Variants in MYH10 observed in about 807,000 individuals in gnomAD.
The protein encoded by MYH10 is myosin heavy chain 10.
Under a neutral mutation model 257.8 loss-of-function variants are expected in MYH10, and 55 were observed. That is an observed-to-expected ratio of 0.21 (90% CI 0.17 to 0.27). MYH10 has a LOEUF of 0.27. Ranked by LOEUF, MYH10 falls within the 10% of genes least tolerant of loss-of-function variation. MYH10 has a pLI of 1.00. For missense variants in MYH10, 1,631 were observed against 2,500.6 expected (o/e 0.65, Z 7.42); for synonymous variants, 854 against 921.7 (o/e 0.93, Z 1.33).
intron 3 of MYH10, among the ~76,000 whole-genome samples, chr17:8,597,154 T>A (rs1374365672): frequency 1.3e-5 from 2 of 152,110 alleles, no homozygotes; most frequent in East Asian, 3.9e-4. Flanking sequence ...ACAAATTATA[T>A]AAGAAAGGAA....
chr17:8,576,081 A>G (rs1400454278), intron 6 of MYH10, among the ~76,000 whole-genome samples: 1 of 152,234 alleles, frequency 6.6e-6, no homozygotes, highest in African/African-American at 2.4e-5. Context: ...ACCTGGGCTC[A>G]GGCCTTCTGT....
intron 37 of MYH10, 56 bp downstream of exon 37, chr17:8,484,082 G>C (rs1047306709): frequency 4.1e-6 from 6 of 1,451,900 alleles, no homozygotes; most frequent in East Asian, 2.5e-5. Context: ...TTTGATCTTG[G>C]AGAAATTTCA....
intron 11 of MYH10, among the ~76,000 whole-genome samples, chr17:8,547,403 T>C (rs549938156): frequency 2.0e-5 from 3 of 152,142 alleles, no homozygotes; most frequent in Admixed American, 2.0e-4. Context: ...GAATGACAGA[T>C]GAATGGTCCT....
At chr17:8,515,100 C>T (rs988632320) in intron 21 of MYH10, among the ~76,000 whole-genome samples, 2 of 152,108 alleles carry the variant, frequency 1.3e-5, no homozygotes, top group East Asian at 1.9e-4. Context: ...AAGTGACCGA[C>T]AGACTCCAGG....
At chr17:8,607,186 C>T (rs1358006161) in intron 2 of MYH10, among the ~76,000 whole-genome samples, 3 of 152,116 alleles carry the variant, frequency 2.0e-5, no homozygotes, top group Non-Finnish European at 4.4e-5. Context: ...AAAATGAGAT[C>T]ACAGTCTATA....
At chr17:8,612,714 G>C (rs1036460567) in intron 2 of MYH10, among the ~76,000 whole-genome samples, 5 of 152,056 alleles carry the variant, frequency 3.3e-5, no homozygotes, top group African/African-American at 1.2e-4. Flanking sequence ...AGCCAGGCGT[G>C]GTGGCGCACG....
intron 6 of MYH10, among the ~76,000 whole-genome samples, chr17:8,573,537 C>A (rs996782427): frequency 2.6e-5 from 4 of 152,090 alleles, no homozygotes; most frequent in African/African-American, 4.8e-5. Flanking sequence ...AGAACTTAAT[C>A]GATTATTTTC....
chr17:8,596,984 A>G (rs446085), intron 3 of MYH10, among the ~76,000 whole-genome samples: 147,652 of 152,194 alleles, frequency 0.97, 71,796 homozygotes, highest in Middle Eastern at 1. Context: ...CTGGAGGAGG[A>G]TAACAGGCTT....
intron 2 of MYH10, among the ~76,000 whole-genome samples, chr17:8,621,107 A>G (rs897711910): frequency 6.6e-6 from 1 of 152,202 alleles, no homozygotes; most frequent in African/African-American, 2.4e-5. Context: ...AGTGTGGGAA[A>G]TTAAGGTGAA....
rs2083283276 is a variant in MYH10 at position 8,569,925 on chromosome 17, T to G, written c.664-113A>C. On this transcript the variant is annotated intron_variant, in intron 6 of 42. Transcript: ENST00000360416. The surrounding 1 kb of genome is among the most constrained non-coding windows in gnomAD (Gnocchi z 4.1). ...AAAGAAACTGCATCTTTTCCTCAGT[T>G]CTTTCATTCTGTCTGCCATCCAGCA... The G allele has an allele frequency of 1.4e-6, 1 of 740,104 alleles. No homozygotes were observed. Among genetic ancestry groups the G allele is most frequent in the African/African-American group, 1.8e-5 (1 of 55,550 alleles). 45.8% of individuals were successfully genotyped at this position (740,104 alleles called of 1,614,324 possible).
chr17:8,493,154 G>T, intron 32 of MYH10, 130 bp from the exon 33 acceptor site: 1 of 1,008,676 alleles, frequency 9.9e-7, no homozygotes, highest in Non-Finnish European at 1.4e-6. Flanking sequence ...GAGGTCAGGA[G>T]TTTGAGACCA....
At chr17:8,514,711 C>T (rs558288520) in intron 21 of MYH10, among the ~76,000 whole-genome samples, 1 of 152,158 alleles carries the variant, frequency 6.6e-6, no homozygotes, top group African/African-American at 2.4e-5. Context: ...CATTTTTCTA[C>T]TCCTTATGAA....
At position 8,569,657 on chromosome 17, in the gene MYH10, A is replaced by C. The variant is rs2083276173; in HGVS notation, c.756+63T>G. 5 of 1,165,306 alleles carry C rather than the reference A, an allele frequency of 4.3e-6. No individual in the cohort carries two copies. The highest frequency in any genetic ancestry group is 6.1e-6 in the Non-Finnish European group (5 of 818,608). The allele number at this position is 1,165,306 out of a possible 1,614,324, so 72.2% of individuals were successfully genotyped here. A position where few individuals can be genotyped will look rare whatever the true frequency, so the allele number is the denominator to read the frequency against. ...GGAAGAAAAGTAATTCATTTGCTTA[A>C]TCACAGTAAACATTTAACTAGAAAT... is the stretch of plus-strand genomic sequence containing the variant. On this transcript the variant is annotated intron_variant, in intron 7 of 42. Transcript: ENST00000360416. This position sits in a 1 kb window ranked among gnomAD's most constrained non-coding sequence, Gnocchi z 4.1.
intron 7 of MYH10, among the ~76,000 whole-genome samples, chr17:8,568,425 C>T (rs761638527): frequency 3.9e-5 from 6 of 152,102 alleles, no homozygotes; most frequent in Non-Finnish European, 8.8e-5. Flanking sequence ...CTAATCATAG[C>T]AACCACACCA....
Position 8,506,570 on chromosome 17 carries a change from G to A in MYH10, c.3215-81C>T. On this transcript the variant is annotated intron_variant, in intron 26 of 42. Coordinates refer to ENST00000360416, the MANE Select transcript of MYH10 (RefSeq NM_001256012.3). This position sits in a 1 kb window ranked among gnomAD's most constrained non-coding sequence, Gnocchi z 5.0. ...TAAACTAAAATACAGACTGATCCAA[G>A]TTGAAAATAAGCCATTTTATTCAAA... 2.8e-6 allele frequency: 4 copies of A among 1,449,296 alleles called. No individual in the cohort carries two copies. Among genetic ancestry groups the A allele is most frequent in the Non-Finnish European group, 3.8e-6 (4 of 1,064,184 alleles). 89.8% of individuals were successfully genotyped at this position (1,449,296 alleles called of 1,614,324 possible). A position where few individuals can be genotyped will look rare whatever the true frequency, so the allele number is the denominator to read the frequency against.
At chr17:8,576,506 T>C in intron 6 of MYH10, 137 bp downstream of exon 6, 2 of 835,502 alleles carry the variant, frequency 2.4e-6, no homozygotes, top group Non-Finnish European at 3.7e-6. Context: ...CTCTAAGCAA[T>C]AAATTTTCAA....
chr17:8,480,096 C>CA lies in MYH10; in HGVS notation c.5597+13dup. ...GTTGGTAAGTTTTGGTTTACGGTAG[C>CA]AAAAACCTCTTACTTGGCTTCCTGC... On this transcript the variant is annotated intron_variant, in intron 40 of 42. Coordinates refer to ENST00000360416, the MANE Select transcript of MYH10 (RefSeq NM_001256012.3). 6.2e-7 allele frequency: 1 copy of CA among 1,613,260 alleles called. No homozygotes were observed. Among genetic ancestry groups the CA allele is most frequent in the Non-Finnish European group, 8.5e-7 (1 of 1,179,624 alleles).
chr17:8,610,559 G>T (rs2084999367), intron 2 of MYH10, among the ~76,000 whole-genome samples: 1 of 152,202 alleles, frequency 6.6e-6, no homozygotes, highest in Non-Finnish European at 1.5e-5. Context: ...AATCCCCAGT[G>T]CAACAATGTT....
At position 8,535,599 on chromosome 17, in the gene MYH10, C is replaced by T; in HGVS notation, c.1780-98G>A. On this transcript the variant is annotated intron_variant, in intron 15 of 42. Coordinates refer to ENST00000360416, the MANE Select transcript of MYH10 (RefSeq NM_001256012.3). The surrounding 1 kb of genome is among the most constrained non-coding windows in gnomAD (Gnocchi z 4.3). ...GCCTCAACCAGAAACTTTTATACAACAGTCCCCAAAATGGGCTGTCTGAAA... is the reference window on the plus strand; with the variant it reads ...GCCTCAACCAGAAACTTTTATACAATAGTCCCCAAAATGGGCTGTCTGAAA... The T allele has an allele frequency of 7.8e-7, 1 of 1,275,554 alleles. No homozygotes were observed. Among genetic ancestry groups the T allele is most frequent in the Non-Finnish European group, 1.1e-6 (1 of 908,438 alleles). The allele number at this position is 1,275,554 out of a possible 1,614,324, so 79.0% of individuals were successfully genotyped here.
Sources: gnomAD v4.1 joint callset for allele counts (sites outside exome capture counted in the v4.1 genomes callset) on GRCh38, gnomAD v4.1.1 for gene constraint, Gnocchi (gnomAD v3.1) non-coding constraint, MANE v1.5 for transcripts, NCBI Gene and HGNC (gene_info 2026-07-23, HGNC 2026-07-21) for gene names.